Variants in LPP observed in about 807,000 individuals in gnomAD.
The protein encoded by LPP is lipoma-preferred partner.
LPP carries 38 observed loss-of-function variants against 60.4 expected under a neutral mutation model. The observed-to-expected ratio is 0.63, with a 90% CI of 0.49 to 0.83. LPP has a LOEUF of 0.83. Ranked by LOEUF, LPP falls within the 40% of genes least tolerant of loss-of-function variation. LPP has a pLI of 0.00. For synonymous variants in LPP, 328 were observed against 290.8 expected, an observed-to-expected ratio of 1.13 and a Z score of -1.30; for missense variants, 902 against 783.6, an observed-to-expected ratio of 1.15 and a Z score of -1.80.
At chr3:188,224,842 C>T (rs935189403) in intron 1 of LPP, among the ~76,000 whole-genome samples, 1 of 152,124 alleles carries the variant, frequency 6.6e-6, no homozygotes, top group African/African-American at 2.4e-5. Context: ...CCCCCATCAT[C>T]CAATCACCTC....
At chr3:188,157,349 G>T (rs1256762061) in intron 1 of LPP, among the ~76,000 whole-genome samples, 1 of 151,990 alleles carries the variant, frequency 6.6e-6, no homozygotes, top group Admixed American at 6.6e-5. Flanking sequence ...GTGGTGACGT[G>T]TGACTTTACC....
chr3:188,821,638 A>C (rs1753991850), intron 9 of LPP, among the ~76,000 whole-genome samples: 1 of 152,110 alleles, frequency 6.6e-6, no homozygotes, highest in African/African-American at 2.4e-5. Flanking sequence ...TCATTTATAT[A>C]TTAGACACAA....
chr3:188,174,998 G>A (rs1381808776), intron 1 of LPP, among the ~76,000 whole-genome samples: 1 of 152,154 alleles, frequency 6.6e-6, no homozygotes, highest in African/African-American at 2.4e-5. Flanking sequence ...CCTGGAACTT[G>A]GCAAACAGTG....
chr3:188,620,398 G>C (rs964617326), intron 7 of LPP, among the ~76,000 whole-genome samples: 5 of 151,896 alleles, frequency 3.3e-5, no homozygotes, highest in Admixed American at 2.0e-4. Flanking sequence ...AACAATTTTG[G>C]ACATTTGGAA....
intron 9 of LPP, among the ~76,000 whole-genome samples, chr3:188,805,302 G>T (rs1748756475): frequency 6.6e-6 from 1 of 151,946 alleles, no homozygotes; most frequent in African/African-American, 2.4e-5. Context: ...CAGTTTGCCA[G>T]TGAAGCCATC....
chr3:188,466,834 T>TATATACAG (rs1553906194), intron 4 of LPP, among the ~76,000 whole-genome samples: 1 of 126,154 alleles, frequency 7.9e-6, no homozygotes, highest in Non-Finnish European at 1.6e-5. Flanking sequence ...TATATATATA[T>TATATACAG]ATATATATGC....
chr3:188,349,110 A>G (rs1282232915), intron 3 of LPP, among the ~76,000 whole-genome samples: 3 of 152,086 alleles, frequency 2.0e-5, no homozygotes, highest in Non-Finnish European at 4.4e-5. Context: ...GTGGGTGATA[A>G]CTGTTCATTC....
chr3:188,349,819 A>G (rs77683413), intron 3 of LPP, among the ~76,000 whole-genome samples: 8,888 of 152,278 alleles, frequency 0.058, 680 homozygotes, highest in African/African-American at 0.18. Context: ...GCCCTCGGCC[A>G]GCTGTTGAAT....
chr3:188,818,983 G>T (rs545921623), intron 9 of LPP, among the ~76,000 whole-genome samples: 1 of 151,382 alleles, frequency 6.6e-6, no homozygotes, highest in Non-Finnish European at 1.5e-5. Flanking sequence ...ATAATTGAAT[G>T]ATTTGTTTAC....
chr3:188,590,651 G>A (rs1162476546), intron 6 of LPP, among the ~76,000 whole-genome samples: 1 of 152,184 alleles, frequency 6.6e-6, no homozygotes, highest in African/African-American at 2.4e-5. Flanking sequence ...GTGCAAGCAA[G>A]AAGATAAATG....
At chr3:188,354,260 G>A (rs949617407) in intron 3 of LPP, among the ~76,000 whole-genome samples, 41 of 152,114 alleles carry the variant, frequency 2.7e-4, no homozygotes, top group African/African-American at 9.7e-4. Context: ...CGGAGGCAAA[G>A]CTGATCTGTA....
At chr3:188,310,071 C>T (rs995013065) in intron 2 of LPP, among the ~76,000 whole-genome samples, 2 of 152,090 alleles carry the variant, frequency 1.3e-5, no homozygotes, top group Non-Finnish European at 2.9e-5. Context: ...CCCAAAACCT[C>T]ACCACCACCA....
chr3:188,215,278 C>T (rs1713084162), intron 1 of LPP, among the ~76,000 whole-genome samples: 1 of 151,764 alleles, frequency 6.6e-6, no homozygotes, highest in Admixed American at 6.6e-5. Flanking sequence ...TGCACTTTAA[C>T]CTGGATGACA....
chr3:188,272,639 A>G (rs562616904), intron 2 of LPP, among the ~76,000 whole-genome samples: 1 of 152,204 alleles, frequency 6.6e-6, no homozygotes, highest in Non-Finnish European at 1.5e-5. Context: ...GGTGTTGAGA[A>G]GAATGAATCA....
chr3:188,880,033 T>C lies in LPP; in HGVS notation c.*5554T>C, dbSNP rs1208475150. On this transcript the variant is annotated 3_prime_UTR_variant, in exon 12 of 12. Transcript: ENST00000617246. The stretch of plus-strand genomic sequence containing the variant: ...GAAAGATGCGTTTTTTTTCTTTTTT[T>C]CTTTTTTTTTTTTTTGAGACGGAGT... 5 of 127,398 alleles carry C rather than the reference T, an allele frequency of 3.9e-5. No individual in the cohort carries two copies. Among genetic ancestry groups the C allele is most frequent in the African/African-American group, 1.3e-4 (4 of 30,492 alleles). The allele number at this position is 127,398 out of a possible 1,614,324, so 7.9% of individuals were successfully genotyped here.
chr3:188,829,990 A>T (rs1756702237), intron 9 of LPP, among the ~76,000 whole-genome samples: 1 of 145,530 alleles, frequency 6.9e-6, no homozygotes, highest in Non-Finnish European at 1.5e-5. Flanking sequence ...TGGACAACAC[A>T]GTGAAGCCCC....
chr3:188,668,885 G>A (rs1361135274), intron 7 of LPP, among the ~76,000 whole-genome samples: 3 of 152,070 alleles, frequency 2.0e-5, no homozygotes, highest in South Asian at 2.1e-4. Flanking sequence ...CTGTCTCCAC[G>A]ATTTTCCTGG....
At chr3:188,585,545 C>T (rs1484491215) in intron 6 of LPP, among the ~76,000 whole-genome samples, 1 of 152,164 alleles carries the variant, frequency 6.6e-6, no homozygotes, top group African/African-American at 2.4e-5. Flanking sequence ...GTCCCTTCTG[C>T]AACTGAAGGG....
chr3:188,574,709 C>CTGTG (rs139022395), intron 6 of LPP, among the ~76,000 whole-genome samples: 2 of 150,988 alleles, frequency 1.3e-5, no homozygotes, highest in African/African-American at 2.4e-5. Context: ...GCGTAATTTC[C>CTGTG]TGTGTGTGTG....
Sources: allele counts gnomAD v4.1 joint callset (sites outside exome capture counted in the v4.1 genomes callset), GRCh38; gene constraint gnomAD v4.1.1; transcripts MANE v1.5; gene names NCBI Gene and HGNC (gene_info 2026-07-23, HGNC 2026-07-21).